Variants in DAB1 observed in about 807,000 individuals in gnomAD.
The protein encoded by DAB1 is disabled homolog 1.
Under a neutral mutation model 64.6 loss-of-function variants are expected in DAB1, and 15 were observed. The observed-to-expected ratio is 0.23, with a 90% CI of 0.16 to 0.36. The LOEUF (loss-of-function observed/expected upper bound fraction) is 0.36. Ranked by LOEUF, DAB1 falls within the 10% of genes least tolerant of loss-of-function variation. The pLI, the probability that DAB1 is intolerant of heterozygous loss-of-function variation, is 1.00. For synonymous variants in DAB1, 235 were observed against 251.9 expected, an observed-to-expected ratio of 0.93 and a Z score of 0.64; for missense variants, 596 against 706.7, an observed-to-expected ratio of 0.84 and a Z score of 1.78.
chr1:57,854,569 T>C (rs1339327331), intron 1 of DAB1, among the ~76,000 whole-genome samples: 1 of 152,346 alleles, frequency 6.6e-6, no homozygotes, highest in East Asian at 1.9e-4. Context: ...TCCAAGATCA[T>C]GAACACGATA....
At chr1:57,749,796 A>G (rs950868630) in intron 6 of DAB1, among the ~76,000 whole-genome samples, 10 of 152,162 alleles carry the variant, frequency 6.6e-5, no homozygotes, top group Non-Finnish European at 1.5e-4. Context: ...AAAAATCCAA[A>G]GCCAAGAAGT....
At chr1:57,581,747 G>A (rs1645315393) in intron 7 of DAB1, among the ~76,000 whole-genome samples, 1 of 148,940 alleles carries the variant, frequency 6.7e-6, no homozygotes, top group African/African-American at 2.5e-5. Context: ...ATATGTGTTA[G>A]ATTAATTATT....
intron 3 of DAB1, among the ~76,000 whole-genome samples, chr1:58,503,143 A>T (rs1366523283): frequency 1.3e-5 from 2 of 152,250 alleles, no homozygotes; most frequent in African/African-American, 4.8e-5. Flanking sequence ...AGAATTTATT[A>T]TCCAATTAAA....
chr1:58,511,402 G>C (rs905350367), intron 2 of DAB1, among the ~76,000 whole-genome samples: 6 of 152,054 alleles, frequency 3.9e-5, no homozygotes, highest in Non-Finnish European at 5.9e-5. Context: ...GATCCCAGCA[G>C]TTTGGGAGGC....
intron 3 of DAB1, among the ~76,000 whole-genome samples, chr1:58,484,765 T>C (rs1645545902): frequency 6.6e-6 from 1 of 152,120 alleles, no homozygotes; most frequent in African/African-American, 2.4e-5. Context: ...CATGAAAAGA[T>C]ATGAGGAACC....
chr1:57,018,539 G>A (rs1189240549), intron 11 of DAB1, among the ~76,000 whole-genome samples: 1 of 152,182 alleles, frequency 6.6e-6, no homozygotes, highest in African/African-American at 2.4e-5. Flanking sequence ...ATTTCAAGGT[G>A]TGAAAGGAGG....
At chr1:58,536,274 G>C (rs886422169) in intron 1 of DAB1, among the ~76,000 whole-genome samples, 2 of 152,094 alleles carry the variant, frequency 1.3e-5, no homozygotes, top group Admixed American at 1.3e-4. Context: ...GTTTTCCTGA[G>C]AAAAGTGACA....
chr1:57,509,355 G>T (rs1291947109), intron 7 of DAB1, among the ~76,000 whole-genome samples: 1 of 152,024 alleles, frequency 6.6e-6, no homozygotes, highest in East Asian at 1.9e-4. Flanking sequence ...AAAGAACCAT[G>T]CTTGGAACTC....
At chr1:58,351,485 A>C (rs994633003) in intron 3 of DAB1, among the ~76,000 whole-genome samples, 3 of 152,004 alleles carry the variant, frequency 2.0e-5, no homozygotes, top group African/African-American at 4.8e-5. Flanking sequence ...GGAGTGAAGG[A>C]GGTGGAAGGA....
chr1:57,478,944 T>C (rs990684941), intron 7 of DAB1, among the ~76,000 whole-genome samples: 19 of 152,178 alleles, frequency 1.2e-4, no homozygotes, highest in African/African-American at 4.3e-4. Context: ...TATCTATAAC[T>C]TTAAAAAAGG....
intron 2 of DAB1, among the ~76,000 whole-genome samples, chr1:57,261,441 A>G (rs1236312362): frequency 6.6e-6 from 1 of 152,078 alleles, no homozygotes; most frequent in East Asian, 1.9e-4. Context: ...TTAATAATTT[A>G]CTTATTTAGC....
At chr1:57,997,630 G>A (rs1252508033) in intron 5 of DAB1, among the ~76,000 whole-genome samples, 7 of 152,090 alleles carry the variant, frequency 4.6e-5, no homozygotes, top group Non-Finnish European at 1.0e-4. Context: ...GATTAGCATA[G>A]TGCAACTCCC....
At chr1:58,508,839 G>T (rs927862577) in intron 2 of DAB1, among the ~76,000 whole-genome samples, 1 of 152,104 alleles carries the variant, frequency 6.6e-6, no homozygotes, top group Admixed American at 6.6e-5. Flanking sequence ...TTCTCCTGGG[G>T]CAGGGCTCGG....
intron 5 of DAB1, chr1:58,056,509 T>G (rs145392081): frequency 1.8e-6 from 2 of 1,130,566 alleles, no homozygotes; most frequent in South Asian, 1.2e-5. Context: ...AGAGAGCTCA[T>G]GTGCATTCTT....
At chr1:57,402,764 C>T (rs1361961402) in intron 1 of DAB1, among the ~76,000 whole-genome samples, 1 of 152,172 alleles carries the variant, frequency 6.6e-6, no homozygotes, top group East Asian at 1.9e-4. Context: ...CTGTCATAAA[C>T]ACAGACAGAG....
intron 7 of DAB1, among the ~76,000 whole-genome samples, chr1:57,555,523 G>A (rs187511184): frequency 1.3e-4 from 19 of 151,942 alleles, no homozygotes; most frequent in Middle Eastern, 3.4e-3. Context: ...TACACAGGTC[G>A]TGTAAATACA....
At chr1:57,440,090 T>C (rs1284897796) in intron 7 of DAB1, among the ~76,000 whole-genome samples, 1 of 152,236 alleles carries the variant, frequency 6.6e-6, no homozygotes, top group African/African-American at 2.4e-5. Context: ...CTCTAGGCTT[T>C]TTCTTGCCTA....
chr1:58,351,978 T>C (rs921627255), intron 3 of DAB1, among the ~76,000 whole-genome samples: 2 of 151,162 alleles, frequency 1.3e-5, no homozygotes, highest in Non-Finnish European at 2.9e-5. Context: ...AATGACTGAA[T>C]TGCACAGGAT....
At chr1:57,167,662 C>G (rs1661332856) in intron 2 of DAB1, among the ~76,000 whole-genome samples, 2 of 152,182 alleles carry the variant, frequency 1.3e-5, no homozygotes, top group South Asian at 4.1e-4. Context: ...CTGTCCAGAA[C>G]TGAGATTACC....
Sources: allele counts gnomAD v4.1 joint callset (sites outside exome capture counted in the v4.1 genomes callset), GRCh38; gene constraint gnomAD v4.1.1; transcripts MANE v1.5; gene names NCBI Gene and HGNC (gene_info 2026-07-23, HGNC 2026-07-21).